PCDH15: variants seen among roughly 807,000 people sequenced by gnomAD.
The protein encoded by PCDH15 is protocadherin-15.
In PCDH15, 129 loss-of-function variants were observed where a neutral mutation model predicts 178.5. The observed-to-expected ratio is 0.72, with a 90% CI of 0.63 to 0.84. PCDH15 has a LOEUF of 0.84. Ranked by LOEUF, PCDH15 falls within the 40% of genes least tolerant of loss-of-function variation. PCDH15 has a pLI of 0.00. For missense variants in PCDH15, 2,230 were observed against 2,099.9 expected, an observed-to-expected ratio of 1.06 and a Z score of -1.21; for synonymous variants, 800 against 732.0, an observed-to-expected ratio of 1.09 and a Z score of -1.50.
intron 9 of PCDH15, among the ~76,000 whole-genome samples, chr10:54,216,507 GA>G (rs551867267): frequency 1.6e-3 from 236 of 152,204 alleles, no homozygotes; most frequent in African/African-American, 5.2e-3. Flanking sequence ...CACAGAAAGA[GA>G]AAGGCAAATG....
chr10:54,285,117 C>T (rs1261191777), intron 8 of PCDH15, among the ~76,000 whole-genome samples: 3 of 152,080 alleles, frequency 2.0e-5, no homozygotes, highest in African/African-American at 7.2e-5. Flanking sequence ...CTACTGTTTC[C>T]TGGCCTTGTT....
intron 3 of PCDH15, among the ~76,000 whole-genome samples, chr10:54,497,860 GC>G (rs1354864743): frequency 1.3e-5 from 2 of 151,988 alleles, no homozygotes; most frequent in African/African-American, 4.8e-5. Context: ...TGGAGGGAGA[GC>G]AAAAAATTTG....
intron 8 of PCDH15, among the ~76,000 whole-genome samples, chr10:54,255,887 G>A (rs1219315612): frequency 6.6e-6 from 1 of 152,116 alleles, no homozygotes; most frequent in Non-Finnish European, 1.5e-5. Context: ...TTGCCCTAGA[G>A]AAAAAGACGC....
chr10:55,366,782 A>G (rs888407376), intron 2 of PCDH15, among the ~76,000 whole-genome samples: 3 of 152,170 alleles, frequency 2.0e-5, no homozygotes, highest in East Asian at 3.8e-4. Context: ...CATCTACTCA[A>G]TTAGTTTCGA....
chr10:54,859,965 T>C (rs1017954292), intron 3 of PCDH15, among the ~76,000 whole-genome samples: 4 of 152,056 alleles, frequency 2.6e-5, no homozygotes, highest in African/African-American at 9.7e-5. Flanking sequence ...AATGAATGCA[T>C]GTAATAAACT....
chr10:55,475,924 A>G (rs1255383369), intron 2 of PCDH15, among the ~76,000 whole-genome samples: 1 of 152,088 alleles, frequency 6.6e-6, no homozygotes, highest in African/African-American at 2.4e-5. Flanking sequence ...GGAGAACAGA[A>G]TTAGGCAAAC....
chr10:54,141,989 G>A (rs2133189150), intron 14 of PCDH15, among the ~76,000 whole-genome samples: 1 of 152,112 alleles, frequency 6.6e-6, no homozygotes, highest in African/African-American at 2.4e-5. Flanking sequence ...TTCCAAAGCT[G>A]ATATTTGCAT....
chr10:54,358,445 C>A (rs1378508871), intron 5 of PCDH15, among the ~76,000 whole-genome samples: 8 of 152,082 alleles, frequency 5.3e-5, no homozygotes, highest in Admixed American at 2.0e-4. Flanking sequence ...AGAAATGCAA[C>A]TCAAAACCAC....
intron 2 of PCDH15, among the ~76,000 whole-genome samples, chr10:54,604,121 T>C (rs1054548811): frequency 6.6e-6 from 1 of 152,030 alleles, no homozygotes; most frequent in Non-Finnish European, 1.5e-5. Flanking sequence ...ATTTACACTT[T>C]CACTCTATTG....
intron 2 of PCDH15, among the ~76,000 whole-genome samples, chr10:55,339,071 T>C (rs186746734): frequency 6.6e-6 from 1 of 152,300 alleles, no homozygotes; most frequent in East Asian, 1.9e-4. Context: ...ATTTACTATT[T>C]GGTAGCACAA....
chr10:54,830,501 G>A (rs971151167), intron 3 of PCDH15, among the ~76,000 whole-genome samples: 2 of 151,314 alleles, frequency 1.3e-5, no homozygotes, highest in African/African-American at 4.9e-5. Flanking sequence ...ACCAAACACC[G>A]CATGTTCTCA....
chr10:55,232,899 T>C (rs937109764), intron 1 of PCDH15, among the ~76,000 whole-genome samples: 2 of 152,218 alleles, frequency 1.3e-5, no homozygotes, highest in African/African-American at 2.4e-5. Flanking sequence ...GAGATCTTGA[T>C]TGTGGCCTTT....
At chr10:54,995,828 A>C (rs903290504) in intron 2 of PCDH15, among the ~76,000 whole-genome samples, 4 of 151,512 alleles carry the variant, frequency 2.6e-5, no homozygotes, top group African/African-American at 7.3e-5. Context: ...CTTACCTACC[A>C]CCTGTTGTCT....
chr10:53,903,347 C>G lies in PCDH15; in HGVS notation c.3397G>C (p.Glu1133Gln). Reference sequence around the variant, plus strand: ...GGATGATTATTTTCATCCTGAATCTCAATGTATACTTTAGCTGTATTGCCT... The same window carrying G: ...GGATGATTATTTTCATCCTGAATCTGAATGTATACTTTAGCTGTATTGCCT... ...SKSNTAKVYI[E>Q]IQDENNHPPV... The change falls in exon 26 of 38, where the codon GAG (glutamate) becomes CAG (glutamine). Residue 1133 changes from glutamate (E) to glutamine (Q), a missense_variant. By Grantham distance (29) the Glu-to-Gln change is conservative. Transcript: ENST00000644397. The G allele has an allele frequency of 6.2e-7, 1 of 1,612,908 alleles. No homozygotes were observed. Among genetic ancestry groups the G allele is most frequent in the African/African-American group, 1.3e-5 (1 of 74,968 alleles).
intron 3 of PCDH15, among the ~76,000 whole-genome samples, chr10:54,525,008 A>C (rs552194291): frequency 2.0e-4 from 30 of 152,338 alleles, no homozygotes; most frequent in African/African-American, 6.0e-4. Flanking sequence ...AAGCATGCAC[A>C]TATGTATAAA....
chr10:55,145,812 G>C (rs1838492757), intron 2 of PCDH15, among the ~76,000 whole-genome samples: 2 of 151,890 alleles, frequency 1.3e-5, no homozygotes, highest in East Asian at 3.9e-4. Flanking sequence ...GTAGATTCCC[G>C]AGATTCATAA....
In PCDH15 at chr10:55,608,976, C is replaced by T. The variant is rs370266596; in HGVS notation, c.-156+18649G>A. On this transcript the variant is annotated intron_variant, in intron 2 of 5. Transcript: ENST00000613346. ...GGGTTAATTTCTGTTAATCCAAAAG[C>T]GATTGTCTATGGGACTATACATATA... Among the ~76,000 whole-genome samples, 22 of 149,008 alleles carry T rather than the reference C, an allele frequency of 1.5e-4. No individual in the cohort carries two copies. In the South Asian group the frequency reaches 4.1e-3, roughly 28 times the overall value.
At chr10:55,365,001 C>T (rs1266122022) in intron 2 of PCDH15, among the ~76,000 whole-genome samples, 1 of 152,018 alleles carries the variant, frequency 6.6e-6, no homozygotes, top group Non-Finnish European at 1.5e-5. Flanking sequence ...GATTTTCTGT[C>T]TTTCCATGTG....
chr10:54,815,178 A>C (rs1952929477), intron 3 of PCDH15, among the ~76,000 whole-genome samples: 1 of 151,506 alleles, frequency 6.6e-6, no homozygotes, highest in South Asian at 2.1e-4. Context: ...AGTTGAAAAA[A>C]CTCACAAACT....
Sources: gnomAD v4.1 joint callset for allele counts (sites outside exome capture counted in the v4.1 genomes callset) on GRCh38, gnomAD v4.1.1 for gene constraint, MANE v1.5 for transcripts, NCBI Gene and HGNC (gene_info 2026-07-23, HGNC 2026-07-21) for gene names.